The following HPSE2 variants were observed in gnomAD, a reference collection of about 807,000 sequenced individuals.
HPSE2 encodes the protein inactive heparanase-2.
HPSE2 carries 38 observed loss-of-function variants against 60.5 expected under a neutral mutation model. The observed-to-expected ratio is 0.63, with a 90% CI of 0.48 to 0.82. The LOEUF (loss-of-function observed/expected upper bound fraction) is 0.82. Among genes scored for constraint, HPSE2 ranks in the 40% least tolerant of loss-of-function variants. The pLI, the probability that HPSE2 is intolerant of heterozygous loss-of-function variation, is 0.00. For missense variants in HPSE2, 713 were observed against 740.4 expected (o/e 0.96, Z 0.43); for synonymous variants, 295 against 293.2 (o/e 1.01, Z -0.06).
At chr10:98,503,945 C>T (rs1055101577) in intron 9 of HPSE2, among the ~76,000 whole-genome samples, 1 of 152,114 alleles carries the variant, frequency 6.6e-6, no homozygotes, top group African/African-American at 2.4e-5. Flanking sequence ...CAAAATCTTA[C>T]AAATCACCAC....
intron 2 of HPSE2, among the ~76,000 whole-genome samples, chr10:99,213,732 T>C (rs994837526): frequency 2.0e-5 from 3 of 152,176 alleles, no homozygotes; most frequent in African/African-American, 4.8e-5. Flanking sequence ...AGCATGGATG[T>C]GAAATCCTGG....
intron 2 of HPSE2, among the ~76,000 whole-genome samples, chr10:99,204,241 C>G (rs1848669662): frequency 6.6e-6 from 1 of 152,140 alleles, no homozygotes; most frequent in Non-Finnish European, 1.5e-5. Context: ...CAGACCCACC[C>G]CAGTAGATCC....
intron 3 of HPSE2, among the ~76,000 whole-genome samples, chr10:98,977,777 A>C (rs2135288125): frequency 6.6e-6 from 1 of 152,082 alleles, no homozygotes; most frequent in Non-Finnish European, 1.5e-5. Flanking sequence ...CATTTAAAAC[A>C]GGTTTTTTAT....
At chr10:98,986,233 T>G (rs556130528) in intron 3 of HPSE2, among the ~76,000 whole-genome samples, 11 of 152,056 alleles carry the variant, frequency 7.2e-5, no homozygotes, top group African/African-American at 2.7e-4. Flanking sequence ...ACTGACCACA[T>G]AGTTGGAAGT....
In HPSE2 at chr10:99,232,618, G is replaced by A. The variant is rs1335317871; in HGVS notation, c.291-113C>T. ...TGAGGGCGACCTGGCCGGGGCTAGA[G>A]GCTCTGTGCCTGCCCCAGCCGGCAG... On this transcript the variant is annotated intron_variant, in intron 1 of 11. Transcript: ENST00000370552. 1.3e-5 allele frequency: 16 copies of A among 1,237,384 alleles called. No homozygotes were observed. In the East Asian group the frequency reaches 2.8e-4, roughly 22 times the overall value. The allele number at this position is 1,237,384 out of a possible 1,614,324, so 76.7% of individuals were successfully genotyped here. A position where few individuals can be genotyped will look rare whatever the true frequency, so the allele number is the denominator to read the frequency against.
At chr10:98,706,435 T>C (rs1377849790) in intron 5 of HPSE2, among the ~76,000 whole-genome samples, 1 of 152,172 alleles carries the variant, frequency 6.6e-6, no homozygotes, top group Admixed American at 6.5e-5. Context: ...TCAGGGCCTC[T>C]GCTACAAGAC....
chr10:99,067,161 G>A (rs1842643303), intron 3 of HPSE2, among the ~76,000 whole-genome samples: 1 of 152,124 alleles, frequency 6.6e-6, no homozygotes, highest in Admixed American at 6.6e-5. Context: ...CCACAGCCTT[G>A]GGCAGCTCTG....
chr10:98,595,681 G>T (rs1441863650), intron 9 of HPSE2, among the ~76,000 whole-genome samples: 6 of 152,094 alleles, frequency 3.9e-5, no homozygotes. Flanking sequence ...TTCCAATGTG[G>T]ATGCTTTTGC....
At chr10:98,689,642 T>G (rs1349870032) in intron 6 of HPSE2, among the ~76,000 whole-genome samples, 1 of 152,156 alleles carries the variant, frequency 6.6e-6, no homozygotes, top group Non-Finnish European at 1.5e-5. Context: ...TTTTCCTGTT[T>G]CTTTGCATGT....
chr10:98,528,391 T>C (rs1450748009), intron 9 of HPSE2, among the ~76,000 whole-genome samples: 2 of 152,182 alleles, frequency 1.3e-5, no homozygotes, highest in Non-Finnish European at 2.9e-5. Context: ...CTCTGAGTCA[T>C]GTCATTTTCT....
chr10:98,503,230 A>C (rs1338878161), intron 9 of HPSE2, among the ~76,000 whole-genome samples: 2 of 151,864 alleles, frequency 1.3e-5, no homozygotes, highest in Non-Finnish European at 2.9e-5. Context: ...GAAAAAGAAA[A>C]AAAGAAAAAA....
chr10:99,153,462 T>G (rs1310717301), intron 2 of HPSE2, among the ~76,000 whole-genome samples: 1 of 152,090 alleles, frequency 6.6e-6, no homozygotes, highest in Non-Finnish European at 1.5e-5. Flanking sequence ...CCGAGCAGCC[T>G]AACTGGGAGG....
intron 3 of HPSE2, among the ~76,000 whole-genome samples, chr10:98,872,721 T>G (rs180993172): frequency 6.6e-6 from 1 of 152,108 alleles, no homozygotes; most frequent in African/African-American, 2.4e-5. Flanking sequence ...CTGACTAGAA[T>G]ATCTAAGAAA....
intron 7 of HPSE2, among the ~76,000 whole-genome samples, chr10:98,626,124 GAAA>G (rs1565027488): frequency 1.5e-4 from 13 of 89,262 alleles, no homozygotes; most frequent in East Asian, 7.0e-4. Flanking sequence ...AAAAGAAAAA[GAAA>G]AAAGAAAAAA....
chr10:98,648,111 G>A (rs1375048053), intron 6 of HPSE2, among the ~76,000 whole-genome samples: 1 of 152,194 alleles, frequency 6.6e-6, no homozygotes, highest in Non-Finnish European at 1.5e-5. Context: ...CAAGTGCCAT[G>A]CCAAGGGCTC....
intron 3 of HPSE2, among the ~76,000 whole-genome samples, chr10:98,830,014 C>T (rs1951646454): frequency 6.6e-6 from 1 of 152,090 alleles, no homozygotes; most frequent in Non-Finnish European, 1.5e-5. Context: ...ACCAACAGGC[C>T]CTGGTGTGTG....
intron 3 of HPSE2, among the ~76,000 whole-genome samples, chr10:99,000,208 A>G (rs1956746069): frequency 6.6e-6 from 1 of 152,144 alleles, no homozygotes; most frequent in Non-Finnish European, 1.5e-5. Flanking sequence ...CTGTCACTCA[A>G]ATGTCAGACC....
intron 2 of HPSE2, among the ~76,000 whole-genome samples, chr10:99,214,922 A>C (rs1413364641): frequency 6.6e-6 from 1 of 152,214 alleles, no homozygotes; most frequent in African/African-American, 2.4e-5. Context: ...GGCGATTATT[A>C]AAAAGTCAAG....
intron 9 of HPSE2, among the ~76,000 whole-genome samples, chr10:98,604,086 A>C (rs1589492887): frequency 6.6e-6 from 1 of 152,352 alleles, no homozygotes; most frequent in East Asian, 1.9e-4. Context: ...TACCTGATAC[A>C]TCACAGCTAT....
Sources: gnomAD v4.1 joint callset for allele counts (sites outside exome capture counted in the v4.1 genomes callset) on GRCh38, gnomAD v4.1.1 for gene constraint, MANE v1.5 for transcripts, NCBI Gene and HGNC (gene_info 2026-07-23, HGNC 2026-07-21) for gene names.